The following SECISBP2 variants were observed in gnomAD, a reference collection of about 807,000 sequenced individuals.
The protein encoded by SECISBP2 is SECIS binding protein 2.
A neutral mutation model predicts 98.2 loss-of-function variants in SECISBP2; 96 were observed. The ratio of observed to expected loss-of-function variants is 0.98; its 90% CI spans 0.83 to 1.16. The LOEUF (loss-of-function observed/expected upper bound fraction) is 1.16, where lower values mean the gene tolerates loss of function less well. Among genes scored for constraint, SECISBP2 ranks in the 50% most tolerant of loss-of-function variants. The pLI is 0.00. For synonymous variants in SECISBP2, 407 were observed against 370.2 expected (o/e 1.10, Z -1.14); for missense variants, 1,046 against 1,022.9 (o/e 1.02, Z -0.31).
rs1830482067 is a variant in SECISBP2, at chr9:89,346,792, C to T, written c.1436-90C>T. Reference sequence around the variant, plus strand: ...TGACTTGGCAAACTCCTTCAGATACCCTGAGGCAGCCCCTGGGCGAGCTGC... The same window carrying T: ...TGACTTGGCAAACTCCTTCAGATACTCTGAGGCAGCCCCTGGGCGAGCTGC... On this transcript the variant is annotated intron_variant, in intron 10 of 16. Coordinates refer to ENST00000375807, the MANE Select transcript of SECISBP2 (RefSeq NM_024077.5). 4.6e-6 allele frequency: 7 copies of T among 1,519,470 alleles called. No individual in the cohort carries two copies. The East Asian group carries it at 1.1e-4, about 24-fold the overall frequency. The allele number at this position is 1,519,470 out of a possible 1,614,324, so 94.1% of individuals were successfully genotyped here.
chr9:89,347,950 A>T, intron 11 of SECISBP2, 129 bp from the exon 12 acceptor site: 1 of 861,294 alleles, frequency 1.2e-6, no homozygotes, highest in Non-Finnish European at 1.9e-6. Context: ...TCTGGGGAGC[A>T]CTTGGCTGCT....
intron 2 of SECISBP2, chr9:89,323,204 T>C (rs1482516951): frequency 3.9e-5 from 6 of 152,262 alleles, no homozygotes; most frequent in African/African-American, 1.4e-4. Context: ...TTGGGATTTA[T>C]ACGTGCTGAA....
chr9:89,324,970 G>A (rs543915894), intron 2 of SECISBP2: 360 of 236,410 alleles, frequency 1.5e-3, no homozygotes, highest in African/African-American at 8.0e-3. Context: ...CTCTGACCCT[G>A]TTAGTCAGCA....
At chr9:89,363,327 TG>T, downstream of SECISBP2, 1 of 1,513,154 alleles carries the variant, frequency 6.6e-7, no homozygotes, top group African/African-American at 1.4e-5. Flanking sequence ...AGGGAACAAG[TG>T]GGGTCCATGC....
At chr9:89,329,183 G>T (rs1022623601) in intron 5 of SECISBP2, 1 of 347,900 alleles carries the variant, frequency 2.9e-6, no homozygotes, top group Non-Finnish European at 5.4e-6. Context: ...CACGATCTCA[G>T]CTCACTGCAA....
intron 10 of SECISBP2, among the ~76,000 whole-genome samples, chr9:89,345,249 C>T (rs1321812601): frequency 6.6e-6 from 1 of 152,234 alleles, no homozygotes; most frequent in Admixed American, 6.5e-5. Flanking sequence ...CTCAGACTGG[C>T]CATGCTGCCA....
chr9:89,364,442 G>C (rs1833258298), downstream of SECISBP2: 1 of 223,362 alleles, frequency 4.5e-6, no homozygotes, highest in Non-Finnish European at 9.2e-6. Context: ...ATGAGGGCCT[G>C]TCTCTCCAAT....
downstream of SECISBP2, chr9:89,363,506 C>T (rs770378676): frequency 9.9e-6 from 16 of 1,613,984 alleles, no homozygotes; most frequent in Admixed American, 1.7e-5. Flanking sequence ...CTCTCTGGTC[C>T]ACCTCTCCTG....
At chr9:89,342,685 T>C (rs578138884) in intron 10 of SECISBP2, among the ~76,000 whole-genome samples, 1 of 152,324 alleles carries the variant, frequency 6.6e-6, no homozygotes, top group South Asian at 2.1e-4. Context: ...ACAACTACTG[T>C]GTGATTCCAC....
intron 4 of SECISBP2, 25 bp from the exon 5 acceptor site, chr9:89,328,635 C>G (rs1827186250): frequency 6.3e-7 from 1 of 1,598,038 alleles, no homozygotes. Flanking sequence ...AATTTTTACT[C>G]TTACTTTTAA....
Position 89,331,084 on chromosome 9 carries a change from T to A in SECISBP2, c.802-1824T>A, listed in dbSNP as rs117273292. Among the ~76,000 whole-genome samples, 6 of 152,306 alleles carry A rather than the reference T, an allele frequency of 3.9e-5. No homozygotes were observed. The East Asian group carries it at 5.8e-4, about 15-fold the overall frequency. On this transcript the variant is annotated intron_variant, in intron 5 of 16. Coordinates refer to ENST00000375807, the MANE Select transcript of SECISBP2 (RefSeq NM_024077.5). ...TAATGTCTGAAAATGACAAAAAATATATATATTTGTCTGAAATTGTACAAC... is the reference window on the plus strand; with the variant it reads ...TAATGTCTGAAAATGACAAAAAATAAATATATTTGTCTGAAATTGTACAAC...
chr9:89,333,335 G>A (rs1235013073), intron 6 of SECISBP2, among the ~76,000 whole-genome samples: 2 of 152,188 alleles, frequency 1.3e-5, no homozygotes, highest in African/African-American at 4.8e-5. Flanking sequence ...TTATTTGGGT[G>A]ATACCTGTCA....
chr9:89,336,423 T>A (rs1312806530), intron 7 of SECISBP2, among the ~76,000 whole-genome samples: 2 of 152,222 alleles, frequency 1.3e-5, no homozygotes, highest in Non-Finnish European at 2.9e-5. Context: ...TGATTTTCAT[T>A]GTATACGGAT....
In SECISBP2 at chr9:89,350,540, A is replaced by C. The variant is rs1205300107; in HGVS notation, c.1893-92A>C. ...TGAAACGTGACTTTTTGTCTGATGCAGTCTACGTCTCTTCTCCCTGGGGTG... is the reference window on the plus strand; with the variant it reads ...TGAAACGTGACTTTTTGTCTGATGCCGTCTACGTCTCTTCTCCCTGGGGTG... On this transcript the variant is annotated intron_variant, in intron 13 of 16. Coordinates refer to ENST00000375807, the MANE Select transcript of SECISBP2 (RefSeq NM_024077.5). 3.7e-6 allele frequency: 4 copies of C among 1,090,814 alleles called. No homozygotes were observed. In the African/African-American group the frequency reaches 6.2e-5, roughly 17 times the overall value. 67.6% of individuals were successfully genotyped at this position (1,090,814 alleles called of 1,614,324 possible).
chr9:89,326,595 C>G (rs2131602615), intron 4 of SECISBP2, among the ~76,000 whole-genome samples: 1 of 152,330 alleles, frequency 6.6e-6, no homozygotes, highest in South Asian at 2.1e-4. Context: ...AAATGCCCAG[C>G]TGCACAATCA....
intron 4 of SECISBP2, 105 bp downstream of exon 4, chr9:89,326,143 A>C: frequency 1.4e-6 from 2 of 1,391,364 alleles, no homozygotes; most frequent in Non-Finnish European, 2.0e-6. Context: ...CATTGTGACT[A>C]CTCCAAGAAA....
chr9:89,322,263 A>G (rs183168241), intron 2 of SECISBP2: 63 of 152,398 alleles, frequency 4.1e-4, no homozygotes, highest in African/African-American at 1.5e-3. Context: ...CATGTTTGGA[A>G]AATACTGATT....
intron 9 of SECISBP2, among the ~76,000 whole-genome samples, chr9:89,340,204 T>A (rs1248578463): frequency 6.6e-6 from 1 of 152,178 alleles, no homozygotes; most frequent in Non-Finnish European, 1.5e-5. Flanking sequence ...GTAACTGCAG[T>A]TGCTAAGTTG....
chr9:89,332,995 G>C lies in SECISBP2; in HGVS notation c.880+9G>C. On this transcript the variant is annotated intron_variant, in intron 6 of 16. Transcript: ENST00000375807. ...TCCTTCATGTACAAGAGGTAAAAGTGGCTGCAAAAATGTTAATTTTTAAAA... is the reference window on the plus strand; with the variant it reads ...TCCTTCATGTACAAGAGGTAAAAGTCGCTGCAAAAATGTTAATTTTTAAAA... 1.2e-6 allele frequency: 2 copies of C among 1,610,746 alleles called. No individual in the cohort carries two copies. The highest frequency in any genetic ancestry group is 1.7e-6 in the Non-Finnish European group (2 of 1,177,366).
Sources: allele counts gnomAD v4.1 joint callset (sites outside exome capture counted in the v4.1 genomes callset), GRCh38; gene constraint gnomAD v4.1.1; transcripts MANE v1.5; gene names NCBI Gene and HGNC (gene_info 2026-07-23, HGNC 2026-07-21).